Variants in PPARG observed in about 807,000 individuals in gnomAD.
PPARG encodes the protein peroxisome proliferator-activated receptor gamma.
Under a neutral mutation model 39.2 loss-of-function variants are expected in PPARG, and 17 were observed. That is an observed-to-expected ratio of 0.43 (90% confidence interval 0.30 to 0.65). The LOEUF is 0.65. Among genes scored for constraint, PPARG ranks in the 30% least tolerant of loss-of-function variants. The pLI, the probability that PPARG is intolerant of heterozygous loss-of-function variation, is 0.13. For missense variants in PPARG, 406 were observed against 585.9 expected (o/e 0.69, Z 3.17); for synonymous variants, 223 against 215.7 (o/e 1.03, Z -0.30).
chr3:12,312,419 A>G lies in PPARG; in HGVS notation c.-43A>G, dbSNP rs1166298338. 6.6e-6 allele frequency: 1 copy of G among 152,268 alleles called. No homozygotes were observed. 9.4% of individuals were successfully genotyped at this position (152,268 alleles called of 1,614,324 possible). ...AACACTAAACCACAAATATACAACA[A>G]GGCCATTTTCTCAAACGAGAGTCAG... is the stretch of plus-strand genomic sequence containing the variant. On this transcript the variant is annotated 5_prime_UTR_variant, in exon 2 of 8. Transcript: ENST00000651735.
intron 1 of PPARG, among the ~76,000 whole-genome samples, chr3:12,294,833 C>A (rs143453734): frequency 0.1 from 15,646 of 152,168 alleles, 967 homozygotes; most frequent in Admixed American, 0.2. Context: ...GCAGAGGTTG[C>A]AGTGAGCCGA....
intron 7 of PPARG, among the ~76,000 whole-genome samples, chr3:12,427,873 T>C (rs1018509920): frequency 4.6e-5 from 7 of 152,236 alleles, no homozygotes; most frequent in African/African-American, 1.4e-4. Flanking sequence ...TGTCTGTGGA[T>C]CAATTTACAG....
rs1167078578 is a variant in PPARG at position 12,315,748 on chromosome 3, A to T, written c.-9+3295A>T. Among the ~76,000 whole-genome samples, 3 of 152,196 alleles carry T rather than the reference A, an allele frequency of 2.0e-5. No homozygotes were observed. In the East Asian group the frequency reaches 5.8e-4, roughly 29 times the overall value. The stretch of plus-strand genomic sequence containing the variant: ...CTTAATACTTTAGCCAGTTGCTTAC[A>T]GCCCTCTAGAAACCTGTGAGTGGGA... On this transcript the variant is annotated intron_variant, in intron 2 of 7. Coordinates refer to ENST00000651735, the MANE Select transcript of PPARG (RefSeq NM_138711.6).
intron 6 of PPARG, among the ~76,000 whole-genome samples, chr3:12,409,418 G>GGA (rs1553648766): frequency 5.5e-5 from 8 of 145,926 alleles, no homozygotes; most frequent in East Asian, 2.0e-4. Context: ...TATGGGAAAG[G>GGA]AAAAAAAAAA....
At chr3:12,402,778 A>G (rs911621724) in intron 5 of PPARG, among the ~76,000 whole-genome samples, 2 of 152,116 alleles carry the variant, frequency 1.3e-5, no homozygotes, top group Admixed American at 6.5e-5. Context: ...GCACTCCTCA[A>G]TTAGGAACTA....
At position 12,351,678 on chromosome 3, in the gene PPARG, A is replaced by C. The variant is rs756794860; in HGVS notation, c.-8-28026A>C. On this transcript the variant is annotated intron_variant, in intron 2 of 7. Coordinates refer to ENST00000651735, the MANE Select transcript of PPARG (RefSeq NM_138711.6). ...CTGTCTGCAAACATATCACAAGGTA[A>C]AGTTCCTTCCAGATACGGCTATTGG... 1.2e-6 allele frequency: 2 copies of C among 1,601,410 alleles called. No homozygotes were observed. The highest frequency in any genetic ancestry group is 2.2e-5 in the South Asian group (2 of 90,826).
At chr3:12,407,396 C>T (rs549276747) in intron 6 of PPARG, among the ~76,000 whole-genome samples, 1 of 152,228 alleles carries the variant, frequency 6.6e-6, no homozygotes, top group East Asian at 1.9e-4. Context: ...CTCCTGACCT[C>T]GTGATCTGCC....
rs1198796681 is a variant in PPARG at position 12,320,647 on chromosome 3, G to A, written c.-9+8194G>A. 3.9e-5 allele frequency among the ~76,000 whole-genome samples: 6 copies of A among 152,312 alleles called. No individual in the cohort carries two copies. In the East Asian group the frequency reaches 1.2e-3, roughly 29 times the overall value. ...CCCAGCAGTTTGGGAGGCCCAGGTGGGAGGATGGCTTGAGGCCAAGAGTTG... is the reference window on the plus strand; with the variant it reads ...CCCAGCAGTTTGGGAGGCCCAGGTGAGAGGATGGCTTGAGGCCAAGAGTTG... On this transcript the variant is annotated intron_variant, in intron 2 of 7. Coordinates refer to ENST00000651735, the MANE Select transcript of PPARG (RefSeq NM_138711.6).
intron 5 of PPARG, among the ~76,000 whole-genome samples, chr3:12,401,113 A>G (rs572498892): frequency 3.3e-5 from 5 of 152,284 alleles, no homozygotes; most frequent in East Asian, 3.9e-4. Context: ...CTGACCCCCA[A>G]TGCAGAATGT....
chr3:12,301,852 T>G (rs1559484881), intron 1 of PPARG: 2 of 152,194 alleles, frequency 1.3e-5, no homozygotes, highest in Non-Finnish European at 2.9e-5. Context: ...TGAAACAGGT[T>G]TGAGGCTTTC....
chr3:12,419,892 T>G (rs1413234355), intron 7 of PPARG, among the ~76,000 whole-genome samples: 1 of 152,208 alleles, frequency 6.6e-6, no homozygotes, highest in Non-Finnish European at 1.5e-5. Context: ...TTTCACTTAG[T>G]CAATTTCCCA....
intron 2 of PPARG, chr3:12,371,786 G>A (rs751614621): frequency 5.0e-6 from 3 of 601,224 alleles, no homozygotes; most frequent in Non-Finnish European, 9.3e-6. Context: ...AGGTCACTTT[G>A]CCTCATTTTC....
chr3:12,363,637 A>G (rs893993459), intron 2 of PPARG, among the ~76,000 whole-genome samples: 7 of 152,130 alleles, frequency 4.6e-5, no homozygotes, highest in African/African-American at 1.7e-4. Flanking sequence ...TAAGTCCTTT[A>G]TAGTGTTTGA....
At chr3:12,326,975 CT>C (rs1305928010) in intron 2 of PPARG, among the ~76,000 whole-genome samples, 2 of 151,972 alleles carry the variant, frequency 1.3e-5, no homozygotes, top group African/African-American at 4.8e-5. Context: ...ATTTTGATTA[CT>C]TTTTTTTCCT....
chr3:12,418,093 A>C (rs2051139810), intron 7 of PPARG, among the ~76,000 whole-genome samples: 1 of 151,476 alleles, frequency 6.6e-6, no homozygotes, highest in South Asian at 2.1e-4. Flanking sequence ...CAGCCTCCCA[A>C]GTAGACAGGA....
chr3:12,355,053 C>G (rs1199916326), intron 2 of PPARG, among the ~76,000 whole-genome samples: 1 of 152,156 alleles, frequency 6.6e-6, no homozygotes. Flanking sequence ...GTTTTCTTCT[C>G]AGAGGCATTG....
At chr3:12,425,240 C>T (rs1341478954) in intron 7 of PPARG, among the ~76,000 whole-genome samples, 1 of 152,160 alleles carries the variant, frequency 6.6e-6, no homozygotes, top group Admixed American at 6.5e-5. Context: ...CTGCTGGATT[C>T]CCAGCCTTCA....
intron 2 of PPARG, among the ~76,000 whole-genome samples, chr3:12,325,342 A>C (rs909563332): frequency 1.3e-5 from 2 of 152,140 alleles, no homozygotes; most frequent in African/African-American, 4.8e-5. Context: ...AATCACTTCA[A>C]CCCAAGAGGC....
At chr3:12,302,975 T>C (rs1314467491) in intron 1 of PPARG, among the ~76,000 whole-genome samples, 1 of 152,214 alleles carries the variant, frequency 6.6e-6, no homozygotes, top group Non-Finnish European at 1.5e-5. Context: ...GGCTTGATGC[T>C]GCCCCACAAG....
Sources: allele counts gnomAD v4.1 joint callset (sites outside exome capture counted in the v4.1 genomes callset), GRCh38; gene constraint gnomAD v4.1.1; transcripts MANE v1.5; gene names NCBI Gene and HGNC (gene_info 2026-07-23, HGNC 2026-07-21).